SMARCD3: variants seen among roughly 807,000 people sequenced by gnomAD.
SMARCD3 encodes the protein SWI/SNF related BAF chromatin remodeling complex subunit D3.
SMARCD3 carries 14 observed loss-of-function variants against 58.0 expected under a neutral mutation model. That is an observed-to-expected ratio of 0.24 (90% CI 0.16 to 0.38). SMARCD3 has a LOEUF of 0.38. Ranked by LOEUF, SMARCD3 falls within the 10% of genes least tolerant of loss-of-function variation. The pLI is 1.00. For synonymous variants in SMARCD3, 253 were observed against 253.8 expected (o/e 1.00, Z 0.03); for missense variants, 408 against 636.9 (o/e 0.64, Z 3.87).
At chr7:151,265,553 G>A (rs1047623498) in intron 2 of SMARCD3, among the ~76,000 whole-genome samples, 5 of 152,172 alleles carry the variant, frequency 3.3e-5, no homozygotes, top group South Asian at 2.1e-4. Context: ...CGGTCATCAC[G>A]AGACCTGCCT....
Position 151,239,505 on chromosome 7 carries a change from G to A in SMARCD3, c.1297-8C>T. 1 of 1,612,514 alleles carries A rather than the reference G, an allele frequency of 6.2e-7. No individual in the cohort carries two copies. The highest frequency in any genetic ancestry group is 1.3e-5 in the African/African-American group (1 of 74,994). On this transcript the variant is annotated splice_region_variant and splice_polypyrimidine_tract_variant and intron_variant, in intron 11 of 12. Transcript: ENST00000262188. The surrounding 1 kb of genome is among the most constrained non-coding windows in gnomAD (Gnocchi z 7.0). ...GGCTACATCTGTCATCACCTGGGAGGGAGCGTGGGGTGAGCCCTGAGCCCT... is the reference window on the plus strand; with the variant it reads ...GGCTACATCTGTCATCACCTGGGAGAGAGCGTGGGGTGAGCCCTGAGCCCT...
At chr7:151,256,973 TC>T (rs1803721016) in intron 2 of SMARCD3, among the ~76,000 whole-genome samples, 1 of 152,046 alleles carries the variant, frequency 6.6e-6, no homozygotes, top group African/African-American at 2.4e-5. Context: ...TCATCAACAT[TC>T]CCCTCTTCCC....
At chr7:151,270,875 G>A (rs1157556658) in intron 2 of SMARCD3, among the ~76,000 whole-genome samples, 1 of 152,124 alleles carries the variant, frequency 6.6e-6, no homozygotes, top group East Asian at 1.9e-4. Flanking sequence ...CAGTGACGTG[G>A]GAAATCAGAA....
chr7:151,268,292 C>T (rs1002016494), intron 2 of SMARCD3, among the ~76,000 whole-genome samples: 3 of 152,230 alleles, frequency 2.0e-5, no homozygotes, highest in Admixed American at 2.0e-4. Flanking sequence ...GACCAGACCA[C>T]CAGTCCATTT....
At chr7:151,257,546 C>T (rs1483617827) in intron 2 of SMARCD3, among the ~76,000 whole-genome samples, 1 of 152,122 alleles carries the variant, frequency 6.6e-6, no homozygotes, top group African/African-American at 2.4e-5. Context: ...AGGCTGGTCT[C>T]GAACTCCTGA....
intron 1 of SMARCD3, among the ~76,000 whole-genome samples, chr7:151,247,909 C>A (rs973019080): frequency 6.6e-6 from 1 of 152,208 alleles, no homozygotes; most frequent in Non-Finnish European, 1.5e-5. Flanking sequence ...CTCAGAGCCC[C>A]TAACTTGGGC....
At chr7:151,247,861 G>A (rs1027538075) in intron 1 of SMARCD3, among the ~76,000 whole-genome samples, 6 of 152,104 alleles carry the variant, frequency 3.9e-5, no homozygotes, top group African/African-American at 1.2e-4. Flanking sequence ...AGGAGTTAAG[G>A]ACATCAGCTT....
intron 2 of SMARCD3, among the ~76,000 whole-genome samples, chr7:151,261,874 C>T (rs1803927952): frequency 6.6e-6 from 1 of 152,182 alleles, no homozygotes; most frequent in African/African-American, 2.4e-5. Flanking sequence ...TGGCTAATTA[C>T]GGTGGCTCTG....
chr7:151,246,037 A>C lies in SMARCD3; in HGVS notation c.79-366T>G. The C allele has an allele frequency of 6.1e-6, 1 of 163,996 alleles. No individual in the cohort carries two copies. The highest frequency in any genetic ancestry group is 1.3e-5 in the Non-Finnish European group (1 of 75,878). 10.2% of individuals were successfully genotyped at this position (163,996 alleles called of 1,614,324 possible). ...CAAGACAGCCTGAGCAGGTCCTTTC[A>C]TCCCCACTTGACGGATGGGGCCACT... On this transcript the variant is annotated intron_variant, in intron 1 of 12. Coordinates refer to ENST00000262188, the MANE Select transcript of SMARCD3 (RefSeq NM_001003801.2). The surrounding 1 kb of genome is among the most constrained non-coding windows in gnomAD (Gnocchi z 4.4).
At chr7:151,247,110 A>C (rs1584874399) in intron 1 of SMARCD3, among the ~76,000 whole-genome samples, 1 of 151,698 alleles carries the variant, frequency 6.6e-6, no homozygotes, top group African/African-American at 2.4e-5. Context: ...CCCTCACCCC[A>C]CCTGACCCTG....
At chr7:151,255,124 G>T (rs886828351) in intron 2 of SMARCD3, among the ~76,000 whole-genome samples, 2 of 151,968 alleles carry the variant, frequency 1.3e-5, no homozygotes, top group African/African-American at 2.4e-5. Flanking sequence ...ATCTCATGCT[G>T]CCCTTTATCC....
At chr7:151,252,655 C>T (rs1454009208), upstream of SMARCD3, among the ~76,000 whole-genome samples, 1 of 152,092 alleles carries the variant, frequency 6.6e-6, no homozygotes, top group East Asian at 1.9e-4. Flanking sequence ...CTTGGGGTCA[C>T]GCCCAGCTCC....
At chr7:151,256,785 G>A (rs562171885) in intron 2 of SMARCD3, among the ~76,000 whole-genome samples, 2 of 152,160 alleles carry the variant, frequency 1.3e-5, no homozygotes, top group African/African-American at 4.8e-5. Flanking sequence ...GAAAAAAGAA[G>A]CTTCCGAAGA....
Position 151,245,654 on chromosome 7 carries a change from A to G in SMARCD3, c.96T>C (p.Ser32=). The change falls in exon 2 of 13, where the codon TCT becomes TCC. Residue 32 remains serine (S), a synonymous_variant. Transcript: ENST00000262188. The surrounding 1 kb of genome is among the most constrained non-coding windows in gnomAD (Gnocchi z 6.2). The part of the protein sequence containing the change: ...LVHGVRPGMP[S]GARMPHQGAP... The stretch of plus-strand genomic sequence containing the variant: ...CCCCCTGGTGGGGCATCCGGGCTCC[A>G]GACGGCATCCCGGGGCGCTGGGGGT... 1 of 1,084,002 alleles carries G rather than the reference A, an allele frequency of 9.2e-7. No individual in the cohort carries two copies. Among genetic ancestry groups the G allele is most frequent in the Non-Finnish European group, 1.2e-6 (1 of 856,216 alleles). The allele number at this position is 1,084,002 out of a possible 1,614,324, so 67.1% of individuals were successfully genotyped here. A position where few individuals can be genotyped will look rare whatever the true frequency, so the allele number is the denominator to read the frequency against.
At chr7:151,260,110 C>T (rs970414977) in intron 2 of SMARCD3, among the ~76,000 whole-genome samples, 3 of 152,162 alleles carry the variant, frequency 2.0e-5, no homozygotes, top group Admixed American at 6.5e-5. Flanking sequence ...TGTGCTATCA[C>T]AGGGTGGGGC....
At chr7:151,249,657 G>C (rs1803445969), upstream of SMARCD3, among the ~76,000 whole-genome samples, 1 of 151,144 alleles carries the variant, frequency 6.6e-6, no homozygotes, top group Non-Finnish European at 1.5e-5. The surrounding 1 kb of genome is among the most constrained non-coding windows in gnomAD (Gnocchi z 4.8). Flanking sequence ...TGGGGTGGGG[G>C]TGGAGTGGGG....
At chr7:151,272,966 C>T (rs1333397362) in intron 2 of SMARCD3, among the ~76,000 whole-genome samples, 1 of 152,208 alleles carries the variant, frequency 6.6e-6, no homozygotes, top group African/African-American at 2.4e-5. Flanking sequence ...AGCTCATTAT[C>T]TCCACCACTT....
At position 151,248,357 on chromosome 7, in the gene SMARCD3, C is replaced by T; in HGVS notation, c.78+128G>A. 1 of 817,918 alleles carries T rather than the reference C, an allele frequency of 1.2e-6. No individual in the cohort carries two copies. Among genetic ancestry groups the T allele is most frequent in the Non-Finnish European group, 2.0e-6 (1 of 502,086 alleles). 50.7% of individuals were successfully genotyped at this position (817,918 alleles called of 1,614,324 possible). ...CGCCAGCACAGTCCCGCGGCCGGGC[C>T]GTGGGCCATGACGCCCCCCACTAGA... On this transcript the variant is annotated intron_variant, in intron 1 of 12. Transcript: ENST00000262188. The surrounding 1 kb of genome is among the most constrained non-coding windows in gnomAD (Gnocchi z 6.1).
intron 1 of SMARCD3, among the ~76,000 whole-genome samples, chr7:151,275,444 G>A (rs1019761016): frequency 6.6e-6 from 1 of 152,208 alleles, no homozygotes; most frequent in African/African-American, 2.4e-5. Flanking sequence ...GCAGGTGGGA[G>A]CAGTATGTGT....
Sources: allele counts gnomAD v4.1 joint callset (sites outside exome capture counted in the v4.1 genomes callset), GRCh38; gene constraint gnomAD v4.1.1; non-coding constraint Gnocchi (gnomAD v3.1); transcripts MANE v1.5; gene names NCBI Gene and HGNC (gene_info 2026-07-23, HGNC 2026-07-21).